The following C1QA variants were observed in gnomAD, a reference collection of about 807,000 sequenced individuals.
C1QA encodes complement C1q subcomponent subunit A.
Under a neutral mutation model 6.9 loss-of-function variants are expected in C1QA, and 3 were observed. The ratio of observed to expected loss-of-function variants is 0.44; its 90% CI spans 0.20 to 1.12. The LOEUF is 1.12. Ranked by LOEUF, C1QA falls within the 50% of genes most tolerant of loss-of-function variation. The pLI is 0.27. For synonymous variants in C1QA, 128 were observed against 134.1 expected (o/e 0.95, Z 0.31); for missense variants, 273 against 326.6 (o/e 0.84, Z 1.26).
chr1:22,638,673 T>C (rs1254871642), intron 2 of C1QA, among the ~76,000 whole-genome samples, 160 bp from the exon 3 acceptor site: 1 of 152,162 alleles, frequency 6.6e-6, no homozygotes, highest in African/African-American at 2.4e-5. Flanking sequence ...TCAGAGAGGT[T>C]GAGACACTTG....
chr1:22,639,048 G>T lies in C1QA; in HGVS notation c.379G>T (p.Gly127Trp), dbSNP rs1409597976. 2 of 1,614,088 alleles carry T rather than the reference G, an allele frequency of 1.2e-6. No homozygotes were observed. Among genetic ancestry groups the T allele is most frequent in the Non-Finnish European group, 1.7e-6 (2 of 1,180,038 alleles). ...FSAIRRNPPM[G>W]GNVVIFDTVI... is the part of the protein sequence containing the mutation. Reference sequence around the variant, plus strand: ...CGCCATTCGGCGGAACCCCCCAATGGGGGGCAACGTGGTCATCTTCGACAC... The same window carrying T: ...CGCCATTCGGCGGAACCCCCCAATGTGGGGCAACGTGGTCATCTTCGACAC... Residue 127 changes from glycine to tryptophan, a missense_variant, in exon 3 of 3, where the codon GGG (glycine) becomes TGG (tryptophan). By Grantham distance (184) the Gly-to-Trp change is radical (BLOSUM62 -2). Coordinates refer to ENST00000374642, the MANE Select transcript of C1QA (RefSeq NM_015991.4). The surrounding 1 kb of genome is among the most constrained non-coding windows in gnomAD (Gnocchi z 4.6).
At chr1:22,638,763 G>C in intron 2 of C1QA, 70 bp from the exon 3 acceptor site, 1 of 1,493,852 alleles carries the variant, frequency 6.7e-7, no homozygotes, top group Non-Finnish European at 9.1e-7. Context: ...AGACTCAGGG[G>C]GTCCAGCTCT....
rs559395274 is a variant in C1QA, at chr1:22,637,308, G to A, written c.-7-302G>A. Among the ~76,000 whole-genome samples the A allele has an allele frequency of 6.6e-6, 1 of 152,310 alleles. No homozygotes were observed. The highest frequency in any genetic ancestry group is 2.4e-5 in the African/African-American group (1 of 41,554). ...GGGTATCAGTTGTGTGTCTAGGGGG[G>A]TATAGTGGATTTCTGAGTTTGCCTA... On this transcript the variant is annotated intron_variant, in intron 1 of 2. Transcript: ENST00000374642. The surrounding 1 kb of genome is among the most constrained non-coding windows in gnomAD (Gnocchi z 4.4).
chr1:22,639,404 C>A lies in C1QA; in HGVS notation c.735C>A (p.Ala245=). 1 of 1,613,202 alleles carries A rather than the reference C, an allele frequency of 6.2e-7. No homozygotes were observed. Among genetic ancestry groups the A allele is most frequent in the Non-Finnish European group, 8.5e-7 (1 of 1,179,994 alleles). Residue 245 remains alanine, a synonymous_variant, in exon 3 of 3, where the codon GCC becomes GCA. Coordinates refer to ENST00000374642, the MANE Select transcript of C1QA (RefSeq NM_015991.4). The surrounding 1 kb of genome is among the most constrained non-coding windows in gnomAD (Gnocchi z 4.6). The part of the protein sequence containing the change: ...VFSGFLIFPS[A] Reference sequence around the variant, plus strand: ...GCGGCTTCCTCATCTTCCCATCTGCCTGAGCCAGGGAAGGACCCCCTCCCC... The same window carrying A: ...GCGGCTTCCTCATCTTCCCATCTGCATGAGCCAGGGAAGGACCCCCTCCCC...
At position 22,637,116 on chromosome 1, in the gene C1QA, T is replaced by C. The variant is rs1401157032; in HGVS notation, c.-8+414T>C. 1.3e-5 allele frequency among the ~76,000 whole-genome samples: 2 copies of C among 152,134 alleles called. No homozygotes were observed. Among genetic ancestry groups the C allele is most frequent in the East Asian group, 1.9e-4 (1 of 5,192 alleles). ...TGCAGAAGAGTGAGCAGGTGTCGCT[T>C]TGGGCGTTTGTGAATTCCTGTGTGT... On this transcript the variant is annotated intron_variant, in intron 1 of 2. Transcript: ENST00000374642. The surrounding 1 kb of genome is among the most constrained non-coding windows in gnomAD (Gnocchi z 4.4).
In C1QA at chr1:22,639,064, T is replaced by A; in HGVS notation, c.395T>A (p.Ile132Asn). The A allele has an allele frequency of 6.2e-7, 1 of 1,614,240 alleles. No homozygotes were observed. Among genetic ancestry groups the A allele is most frequent in the East Asian group, 2.2e-5 (1 of 44,876 alleles). ...RNPPMGGNVV[I>N]FDTVITNQEE... ...CCCCCAATGGGGGGCAACGTGGTCA[T>A]CTTCGACACGGTCATCACCAACCAG... The change falls in exon 3 of 3, where the codon ATC becomes AAC. Residue 132 changes from isoleucine to asparagine, a missense_variant. Coordinates refer to ENST00000374642, the MANE Select transcript of C1QA (RefSeq NM_015991.4). This position sits in a 1 kb window ranked among gnomAD's most constrained non-coding sequence, Gnocchi z 4.6.
In C1QA at chr1:22,639,517, C is replaced by G; in HGVS notation, c.*110C>G. On this transcript the variant is annotated 3_prime_UTR_variant, in exon 3 of 3. Coordinates refer to ENST00000374642, the MANE Select transcript of C1QA (RefSeq NM_015991.4). This position sits in a 1 kb window ranked among gnomAD's most constrained non-coding sequence, Gnocchi z 4.6. ...GAAGGGAGGGGGCTGGCTCTGAGAGCCCCAGGACTGGCTGCCCCGTGACAC... is the reference window on the plus strand; with the variant it reads ...GAAGGGAGGGGGCTGGCTCTGAGAGGCCCAGGACTGGCTGCCCCGTGACAC... 1 of 1,291,686 alleles carries G rather than the reference C, an allele frequency of 7.7e-7. No homozygotes were observed. Among genetic ancestry groups the G allele is most frequent in the South Asian group, 1.3e-5 (1 of 78,204 alleles). The allele number at this position is 1,291,686 out of a possible 1,614,324, so 80.0% of individuals were successfully genotyped here.
Position 22,637,695 on chromosome 1 carries a change from C to T in C1QA, c.79C>T (p.Arg27Ter), listed in dbSNP as rs952339666. Residue 27 changes from arginine to a stop codon, truncating the protein, a stop_gained, in exon 2 of 3, where the codon CGA (arginine) becomes TGA (stop). Transcript: ENST00000374642. LOFTEE classifies it high-confidence loss of function. The surrounding 1 kb of genome is among the most constrained non-coding windows in gnomAD (Gnocchi z 4.4). Reference sequence around the variant, plus strand: ...CTCTATGGTGACCGAGGACTTGTGCCGAGCACCAGACGGGAAGAAAGGGGA... The same window carrying T: ...CTCTATGGTGACCGAGGACTTGTGCTGAGCACCAGACGGGAAGAAAGGGGA... ...LASMVTEDLC[R>*]APDGKKGEAG... The T allele has an allele frequency of 5.6e-6, 9 of 1,613,806 alleles. No individual in the cohort carries two copies. The highest frequency in any genetic ancestry group is 1.1e-5 in the South Asian group (1 of 90,994).
In C1QA at chr1:22,637,635, T is replaced by C. The variant is rs775735381; in HGVS notation, c.19T>C (p.Trp7Arg). The change falls in exon 2 of 3, where the codon TGG becomes CGG. Residue 7 changes from tryptophan (W) to arginine (R), a missense_variant. By Grantham distance (101) the Trp-to-Arg change is moderately radical (BLOSUM62 -3). Coordinates refer to ENST00000374642, the MANE Select transcript of C1QA (RefSeq NM_015991.4). The surrounding 1 kb of genome is among the most constrained non-coding windows in gnomAD (Gnocchi z 4.4). The stretch of plus-strand genomic sequence containing the variant: ...AGGCATCATGGAGGGTCCCCGGGGA[T>C]GGCTGGTGCTCTGTGTGCTGGCCAT... The part of the protein sequence containing the change: MEGPRG[W>R]LVLCVLAISL... 3.3e-5 allele frequency: 54 copies of C among 1,613,960 alleles called. No individual in the cohort carries two copies. Among genetic ancestry groups the C allele is most frequent in the Non-Finnish European group, 4.4e-5 (52 of 1,179,992 alleles).
In C1QA at chr1:22,639,419, A is replaced by T. The variant is rs368075767; in HGVS notation, c.*12A>T. 34 of 1,609,614 alleles carry T rather than the reference A, an allele frequency of 2.1e-5. No individual in the cohort carries two copies. Among genetic ancestry groups the T allele is most frequent in the Non-Finnish European group, 2.8e-5 (33 of 1,179,504 alleles). ...TCCCATCTGCCTGAGCCAGGGAAGG[A>T]CCCCCTCCCCCACCCACCTCTCTGG... On this transcript the variant is annotated 3_prime_UTR_variant, in exon 3 of 3. Transcript: ENST00000374642. The surrounding 1 kb of genome is among the most constrained non-coding windows in gnomAD (Gnocchi z 4.6).
rs952224064 is a variant in C1QA at position 22,637,335 on chromosome 1, T to G, written c.-7-275T>G. Among the ~76,000 whole-genome samples, 5 of 152,114 alleles carry G rather than the reference T, an allele frequency of 3.3e-5. No homozygotes were observed. Among genetic ancestry groups the G allele is most frequent in the Admixed American group, 2.6e-4 (4 of 15,268 alleles). On this transcript the variant is annotated intron_variant, in intron 1 of 2. Transcript: ENST00000374642. This position sits in a 1 kb window ranked among gnomAD's most constrained non-coding sequence, Gnocchi z 4.4. ...ATAGTGGATTTCTGAGTTTGCCTAC[T>G]GTGTTTTGTAGGTGCGTGGATGAGA...
Position 22,637,651 on chromosome 1 carries a change from T to C in C1QA, c.35T>C (p.Val12Ala). The part of the protein sequence containing the change: ...EGPRGWLVLC[V>A]LAISLASMVT... The stretch of plus-strand genomic sequence containing the variant: ...CCCCGGGGATGGCTGGTGCTCTGTG[T>C]GCTGGCCATATCGCTGGCCTCTATG... The change falls in exon 2 of 3, where the codon GTG (valine) becomes GCG (alanine). Residue 12 changes from valine to alanine, a missense_variant. Val to Ala is a moderately conservative substitution (Grantham distance 64). Coordinates refer to ENST00000374642, the MANE Select transcript of C1QA (RefSeq NM_015991.4). This position sits in a 1 kb window ranked among gnomAD's most constrained non-coding sequence, Gnocchi z 4.4. The C allele has an allele frequency of 8.7e-6, 14 of 1,614,076 alleles. No individual in the cohort carries two copies. Among genetic ancestry groups the C allele is most frequent in the Non-Finnish European group, 1.2e-5 (14 of 1,179,980 alleles).
rs931825256 is a variant in C1QA, at chr1:22,637,112, C to A, written c.-8+410C>A. ...AGCATGCAGAAGAGTGAGCAGGTGT[C>A]GCTTTGGGCGTTTGTGAATTCCTGT... On this transcript the variant is annotated intron_variant, in intron 1 of 2. Transcript: ENST00000374642. This position sits in a 1 kb window ranked among gnomAD's most constrained non-coding sequence, Gnocchi z 4.4. 2.0e-5 allele frequency among the ~76,000 whole-genome samples: 3 copies of A among 152,156 alleles called. No individual in the cohort carries two copies. Among genetic ancestry groups the A allele is most frequent in the African/African-American group, 7.2e-5 (3 of 41,408 alleles).
Position 22,639,192 on chromosome 1 carries a change from A to C in C1QA, c.523A>C (p.Ile175Leu), listed in dbSNP as rs2148291263. The C allele has an allele frequency of 6.2e-7, 1 of 1,614,196 alleles. No individual in the cohort carries two copies. The highest frequency in any genetic ancestry group is 8.5e-7 in the Non-Finnish European group (1 of 1,180,018). ...VLSQWEICLSIVSSSRGQVRR... is the reference protein window; with the variant it reads ...VLSQWEICLSLVSSSRGQVRR... Reference sequence around the variant, plus strand: ...GTCCCAGTGGGAAATCTGCCTGTCCATCGTCTCCTCCTCAAGGGGCCAGGT... The same window carrying C: ...GTCCCAGTGGGAAATCTGCCTGTCCCTCGTCTCCTCCTCAAGGGGCCAGGT... The change falls in exon 3 of 3, where the codon ATC becomes CTC. Residue 175 changes from isoleucine to leucine, a missense_variant. Ile to Leu is a conservative substitution (Grantham distance 5). Transcript: ENST00000374642. This position sits in a 1 kb window ranked among gnomAD's most constrained non-coding sequence, Gnocchi z 4.6.
At position 22,639,300 on chromosome 1, in the gene C1QA, C is replaced by G. The variant is rs758788716; in HGVS notation, c.631C>G (p.Gln211Glu). The change falls in exon 3 of 3, where the codon CAG becomes GAG. Residue 211 changes from glutamine (Q) to glutamate (E), a missense_variant. By Grantham distance (29) the Gln-to-Glu change is conservative (BLOSUM62 2). Transcript: ENST00000374642. The surrounding 1 kb of genome is among the most constrained non-coding windows in gnomAD (Gnocchi z 4.6). ...AGGGGGCATGGTGCTTCAGCTGCAGCAGGGTGACCAGGTCTGGGTTGAAAA... is the reference window on the plus strand; with the variant it reads ...AGGGGGCATGGTGCTTCAGCTGCAGGAGGGTGACCAGGTCTGGGTTGAAAA... The part of the protein sequence containing the change: ...VSGGMVLQLQ[Q>E]GDQVWVEKDP... 2 of 1,614,046 alleles carry G rather than the reference C, an allele frequency of 1.2e-6. No homozygotes were observed. Among genetic ancestry groups the G allele is most frequent in the Non-Finnish European group, 1.7e-6 (2 of 1,179,948 alleles).
At chr1:22,638,738 T>C in intron 2 of C1QA, 95 bp from the exon 3 acceptor site, 1 of 1,391,654 alleles carries the variant, frequency 7.2e-7, no homozygotes, top group Non-Finnish European at 1.0e-6. Context: ...GGTGCTTCAT[T>C]GCCCTTTATC....
At position 22,637,528 on chromosome 1, in the gene C1QA, C is replaced by T; in HGVS notation, c.-7-82C>T. On this transcript the variant is annotated intron_variant, in intron 1 of 2. Transcript: ENST00000374642. This position sits in a 1 kb window ranked among gnomAD's most constrained non-coding sequence, Gnocchi z 4.4. The stretch of plus-strand genomic sequence containing the variant: ...CACTTGGGGAGGACTGTGCATATAT[C>T]ATTGTGTGCATGGGACTCAAGGGTG... The T allele has an allele frequency of 1.3e-6, 2 of 1,523,670 alleles. No individual in the cohort carries two copies. The highest frequency in any genetic ancestry group is 2.3e-5 in the East Asian group (1 of 43,300). The allele number at this position is 1,523,670 out of a possible 1,614,324, so 94.4% of individuals were successfully genotyped here.
In C1QA at chr1:22,639,202, C is replaced by T. The variant is rs376010024; in HGVS notation, c.533C>T (p.Ser178Phe). 37 of 1,614,150 alleles carry T rather than the reference C, an allele frequency of 2.3e-5. No individual in the cohort carries two copies. In the East Asian group the frequency reaches 3.3e-4, roughly 15 times the overall value. The change falls in exon 3 of 3, where the codon TCC becomes TTC. Residue 178 changes from serine to phenylalanine, a missense_variant. Transcript: ENST00000374642. This position sits in a 1 kb window ranked among gnomAD's most constrained non-coding sequence, Gnocchi z 4.6. ...GAAATCTGCCTGTCCATCGTCTCCT[C>T]CTCAAGGGGCCAGGTCCGACGCTCC... is the stretch of plus-strand genomic sequence containing the variant. ...QWEICLSIVS[S>F]SRGQVRRSLG...
rs1466203098 is a variant in C1QA at position 22,637,887 on chromosome 1, G to A, written c.163+108G>A. The A allele has an allele frequency of 6.6e-6, 9 of 1,357,464 alleles. No homozygotes were observed. The Admixed American group carries it at 1.2e-4, about 17-fold the overall frequency. 84.1% of individuals were successfully genotyped at this position (1,357,464 alleles called of 1,614,324 possible). Reference sequence around the variant, plus strand: ...AATCAGGAGTCCGTCTGCCCCCAGTGCCCCATGAATCCTCTCCAGTTTGTA... The same window carrying A: ...AATCAGGAGTCCGTCTGCCCCCAGTACCCCATGAATCCTCTCCAGTTTGTA... On this transcript the variant is annotated intron_variant, in intron 2 of 2. Transcript: ENST00000374642. The surrounding 1 kb of genome is among the most constrained non-coding windows in gnomAD (Gnocchi z 4.4).
Sources: allele counts gnomAD v4.1 joint callset (sites outside exome capture counted in the v4.1 genomes callset), GRCh38; gene constraint gnomAD v4.1.1; non-coding constraint Gnocchi (gnomAD v3.1); transcripts MANE v1.5; gene names NCBI Gene and HGNC (gene_info 2026-07-23, HGNC 2026-07-21).